ZNF518B: variants seen among roughly 807,000 people sequenced by gnomAD.
The protein encoded by ZNF518B is zinc finger protein 518B.
In ZNF518B, 23 loss-of-function variants were observed where a neutral mutation model predicts 56.3. The observed-to-expected ratio is 0.41, with a 90% confidence interval of 0.29 to 0.58. The LOEUF is 0.58. ZNF518B is among the 20% of genes least tolerant of loss of function. The probability of loss-of-function intolerance (pLI) is 0.32; values close to 1 mark genes in which losing one functional copy is unlikely to be tolerated. For synonymous variants in ZNF518B, 529 were observed against 465.9 expected (o/e 1.14, Z -1.74); for missense variants, 1,460 against 1,272.1 (o/e 1.15, Z -2.25).
chr4:10,444,103 T>A lies in ZNF518B; in HGVS notation c.2226A>T (p.Gln742His). 1 of 1,614,252 alleles carries A rather than the reference T, an allele frequency of 6.2e-7. No individual in the cohort carries two copies. Among genetic ancestry groups the A allele is most frequent in the Non-Finnish European group, 8.5e-7 (1 of 1,180,044 alleles). Residue 742 changes from glutamine (Q) to histidine (H), a missense_variant, in exon 3 of 3, where the codon CAA becomes CAT. Coordinates refer to ENST00000326756, the MANE Select transcript of ZNF518B (RefSeq NM_053042.3). ...CATCTGCAAAGTGTGGATATATTTG[T>A]TGATGAGTAAGCTGTCTATTACCAG... ...GITGNRQLTH[Q>H]QIYPHFADGS...
chr4:10,443,755 A>G lies in ZNF518B; in HGVS notation c.2574T>C (p.His858=), dbSNP rs780212073. ...RKESAVCSTI[H]RKTGLLYGQQ... is the part of the protein sequence containing the mutation. ...GTCCATACAAGAGGCCAGTTTTTCT[A>G]TGGATGGTGCTACAGACAGCACTCT... The change falls in exon 3 of 3, where the codon CAT becomes CAC. Residue 858 remains histidine (H), a synonymous_variant. Coordinates refer to ENST00000326756, the MANE Select transcript of ZNF518B (RefSeq NM_053042.3). 6.2e-7 allele frequency: 1 copy of G among 1,614,164 alleles called. No individual in the cohort carries two copies. The highest frequency in any genetic ancestry group is 1.1e-5 in the South Asian group (1 of 91,080).
At chr4:10,458,199 T>C (rs1715629226), upstream of ZNF518B, among the ~76,000 whole-genome samples, 3 of 152,186 alleles carry the variant, frequency 2.0e-5, no homozygotes, top group Admixed American at 6.5e-5. Context: ...AAGAAGACCA[T>C]ATTGCCAGGT....
At chr4:10,458,753 C>T (rs1715649351), upstream of ZNF518B, among the ~76,000 whole-genome samples, 7 of 152,150 alleles carry the variant, frequency 4.6e-5, no homozygotes, top group South Asian at 1.4e-3. Flanking sequence ...TTCAAAGTCT[C>T]CCTCAAGAGT....
At position 10,443,646 on chromosome 4, in the gene ZNF518B, G is replaced by A. The variant is rs1433568334; in HGVS notation, c.2683C>T (p.His895Tyr). The A allele has an allele frequency of 6.2e-7, 1 of 1,613,968 alleles. No individual in the cohort carries two copies. The highest frequency in any genetic ancestry group is 2.2e-5 in the East Asian group (1 of 44,894). The change falls in exon 3 of 3, where the codon CAC becomes TAC. Residue 895 changes from histidine (H) to tyrosine (Y), a missense_variant. Transcript: ENST00000326756. ...ATTTTGTTTTTCTTCCTGGATAAGT[G>A]TACTTGTTTGGTTTTATTTCTACTT... is the stretch of plus-strand genomic sequence containing the variant. ...SISRNKTKQV[H>Y]LSRKKNKIQA... is the part of the protein sequence containing the mutation.
intron 1 of ZNF518B, 23 bp from the exon 2 acceptor site, chr4:10,455,011 G>C (rs1258146389): frequency 6.6e-6 from 1 of 152,270 alleles, no homozygotes; most frequent in Non-Finnish European, 1.5e-5. Flanking sequence ...CCAAACACTT[G>C]GGTTTAAGTC....
rs1714625600 is a variant in ZNF518B at position 10,440,510 on chromosome 4, G to A, written c.*2594C>T. On this transcript the variant is annotated 3_prime_UTR_variant, in exon 3 of 3. Coordinates refer to ENST00000326756, the MANE Select transcript of ZNF518B (RefSeq NM_053042.3). ...TACTCCCTTGTATTGTTAGAAATGT[G>A]TTTATTTCATAACATGTACCTACAG... 6.6e-6 allele frequency: 1 copy of A among 152,548 alleles called. No homozygotes were observed. The highest frequency in any genetic ancestry group is 2.4e-5 in the African/African-American group (1 of 41,438). The allele number at this position is 152,548 out of a possible 1,614,324, so 9.4% of individuals were successfully genotyped here.
rs1291240098 is a variant in ZNF518B at position 10,445,577 on chromosome 4, G to A, written c.752C>T (p.Thr251Ile). The A allele has an allele frequency of 1.2e-6, 2 of 1,614,168 alleles. No homozygotes were observed. Among genetic ancestry groups the A allele is most frequent in the South Asian group, 2.2e-5 (2 of 91,086 alleles). The change falls in exon 3 of 3, where the codon ACA becomes ATA. Residue 251 changes from threonine to isoleucine, a missense_variant. Thr to Ile is a moderately conservative substitution (Grantham distance 89). Transcript: ENST00000326756. ...TTGGTCTGACCACTTATTTTGAAAT[G>A]TAGTCCGTGGATTGGAAGCTTTTAG... ...ELLKASNPRT[T>I]FQNKWSDQLS...
chr4:10,442,350 CTCTTTTTG>C lies in ZNF518B; in HGVS notation c.*746_*753del, dbSNP rs1560166926. 6.6e-6 allele frequency: 1 copy of C among 152,224 alleles called. No individual in the cohort carries two copies. Among genetic ancestry groups the C allele is most frequent in the African/African-American group, 2.4e-5 (1 of 41,458 alleles). 9.4% of individuals were successfully genotyped at this position (152,224 alleles called of 1,614,324 possible). ...GTTTTAGATATTTTCCTTTTGTAAT[CTCTTTTTG>C]TCTTTGCAAAAAGGTACGTTCCCTT... On this transcript the variant is annotated 3_prime_UTR_variant, in exon 3 of 3. Coordinates refer to ENST00000326756, the MANE Select transcript of ZNF518B (RefSeq NM_053042.3).
Position 10,445,373 on chromosome 4 carries a change from G to T in ZNF518B, c.956C>A (p.Ala319Glu). The T allele has an allele frequency of 1.2e-6, 2 of 1,614,228 alleles. No individual in the cohort carries two copies. The highest frequency in any genetic ancestry group is 1.7e-6 in the Non-Finnish European group (2 of 1,180,038). ...CATACCTGGCTGAACAGGTTCTTTT[G>T]CAGGGGATAACACTTCTACTTCAAC... is the stretch of plus-strand genomic sequence containing the variant. ...KNVEVEVLSP[A>E]KEPVQPGMPL... Residue 319 changes from alanine to glutamate, a missense_variant, in exon 3 of 3, where the codon GCA becomes GAA. Physicochemically the swap from Ala to Glu is moderately radical, Grantham distance 107 (BLOSUM62 -1). Transcript: ENST00000326756.
At position 10,440,838 on chromosome 4, in the gene ZNF518B, T is replaced by A. The variant is rs529771168; in HGVS notation, c.*2266A>T. On this transcript the variant is annotated 3_prime_UTR_variant, in exon 3 of 3. Coordinates refer to ENST00000326756, the MANE Select transcript of ZNF518B (RefSeq NM_053042.3). Reference sequence around the variant, plus strand: ...GGAAAAAGCACTATGTGGTGAGGAATAGGAGATAAAAAAGTGGCAAACAAA... The same window carrying A: ...GGAAAAAGCACTATGTGGTGAGGAAAAGGAGATAAAAAAGTGGCAAACAAA... The A allele has an allele frequency of 6.6e-6, 1 of 152,198 alleles. No homozygotes were observed. The highest frequency in any genetic ancestry group is 1.9e-4 in the East Asian group (1 of 5,186). 9.4% of individuals were successfully genotyped at this position (152,198 alleles called of 1,614,324 possible). A position where few individuals can be genotyped will look rare whatever the true frequency, so the allele number is the denominator to read the frequency against.
chr4:10,460,321 A>AC (rs1715706172), upstream of ZNF518B, among the ~76,000 whole-genome samples: 1 of 88,230 alleles, frequency 1.1e-5, no homozygotes, highest in Non-Finnish European at 1.8e-5. Context: ...AAAAAAAAAA[A>AC]AACCAAAAAA....
In ZNF518B at chr4:10,440,289, T is replaced by TG. The variant is rs1714616050; in HGVS notation, c.*2814_*2815insC. The TG allele has an allele frequency of 1.3e-4, 3 of 22,530 alleles. No individual in the cohort carries two copies. In the South Asian group the frequency reaches 5.2e-3, roughly 39 times the overall value. 1.4% of individuals were successfully genotyped at this position (22,530 alleles called of 1,614,324 possible). A position where few individuals can be genotyped will look rare whatever the true frequency, so the allele number is the denominator to read the frequency against. The stretch of plus-strand genomic sequence containing the variant: ...CTATCAGAGTATACTTTGGGTCAGG[T>TG]TTTTTTTTTTTAACTTTTACTGTAT... On this transcript the variant is annotated 3_prime_UTR_variant, in exon 3 of 3. Transcript: ENST00000326756.
chr4:10,449,238 C>G (rs1460933418), intron 2 of ZNF518B, among the ~76,000 whole-genome samples: 1 of 152,130 alleles, frequency 6.6e-6, no homozygotes, highest in Non-Finnish European at 1.5e-5. Flanking sequence ...TGGACAATTT[C>G]CCAGGCTTCA....
intron 2 of ZNF518B, chr4:10,454,052 C>G (rs1427333351): frequency 1.3e-5 from 2 of 152,246 alleles, no homozygotes; most frequent in African/African-American, 4.8e-5. Context: ...TTCTCATATG[C>G]AGCTATGCAG....
intron 2 of ZNF518B, 41 bp from the exon 3 acceptor site, chr4:10,446,580 G>A: frequency 2.4e-6 from 1 of 415,892 alleles, no homozygotes; most frequent in East Asian, 3.7e-5. Context: ...TAATATAAGA[G>A]TTTGGCTAAG....
rs1184850783 is a variant in ZNF518B, at chr4:10,444,828, C to A, written c.1501G>T (p.Ala501Ser). The A allele has an allele frequency of 6.2e-7, 1 of 1,613,976 alleles. No homozygotes were observed. The highest frequency in any genetic ancestry group is 8.5e-7 in the Non-Finnish European group (1 of 1,179,964). The change falls in exon 3 of 3, where the codon GCA becomes TCA. Residue 501 changes from alanine (A) to serine (S), a missense_variant. Physicochemically the swap from Ala to Ser is moderately conservative, Grantham distance 99. Transcript: ENST00000326756. ...GCTTTATATGGAAAAGGGTTTGATG[C>A]AGCTCCAAGACTACGTAAAACACTG... ...KNSVLRSLGA[A>S]SNPFPYKAAV...
intron 2 of ZNF518B, among the ~76,000 whole-genome samples, chr4:10,447,875 C>A (rs1403161880): frequency 6.6e-6 from 1 of 152,134 alleles, no homozygotes; most frequent in Non-Finnish European, 1.5e-5. Flanking sequence ...TCTTTAACCC[C>A]TGACCTCAGG....
Position 10,443,641 on chromosome 4 carries a change from T to G in ZNF518B, c.2688A>C (p.Leu896Phe), listed in dbSNP as rs1351464909. The G allele has an allele frequency of 6.2e-7, 1 of 1,614,052 alleles. No individual in the cohort carries two copies. Among genetic ancestry groups the G allele is most frequent in the African/African-American group, 1.3e-5 (1 of 74,938 alleles). The change falls in exon 3 of 3, where the codon TTA (leucine) becomes TTC (phenylalanine). Residue 896 changes from leucine (L) to phenylalanine (F), a missense_variant. Coordinates refer to ENST00000326756, the MANE Select transcript of ZNF518B (RefSeq NM_053042.3). ...ISRNKTKQVH[L>F]SRKKNKIQAE... ...CTTGAATTTTGTTTTTCTTCCTGGATAAGTGTACTTGTTTGGTTTTATTTC... is the reference window on the plus strand; with the variant it reads ...CTTGAATTTTGTTTTTCTTCCTGGAGAAGTGTACTTGTTTGGTTTTATTTC...
rs1236911559 is a variant in ZNF518B at position 10,445,939 on chromosome 4, A to C, written c.390T>G (p.Phe130Leu). 3 of 1,614,246 alleles carry C rather than the reference A, an allele frequency of 1.9e-6. No homozygotes were observed. The highest frequency in any genetic ancestry group is 2.5e-6 in the Non-Finnish European group (3 of 1,180,048). ...TATCACAATAGTATTTGCCTGGCTT[A>C]AAGTTCCTTACCTTAAATTTGCTAT... ...SVNSKFKVRN[F>L]KPGKYYCDKC... The change falls in exon 3 of 3, where the codon TTT (phenylalanine) becomes TTG (leucine). Residue 130 changes from phenylalanine to leucine, a missense_variant. Phe to Leu is a conservative substitution (Grantham distance 22). Coordinates refer to ENST00000326756, the MANE Select transcript of ZNF518B (RefSeq NM_053042.3).
Sources: gnomAD v4.1 joint callset for allele counts (sites outside exome capture counted in the v4.1 genomes callset) on GRCh38, gnomAD v4.1.1 for gene constraint, MANE v1.5 for transcripts, NCBI Gene and HGNC (gene_info 2026-07-23, HGNC 2026-07-21) for gene names.